DTWD2: variants seen among roughly 807,000 people sequenced by gnomAD.
DTWD2 encodes the protein tRNA-uridine aminocarboxypropyltransferase 2.
In DTWD2, 39 loss-of-function variants were observed where a neutral mutation model predicts 31.8. That is an observed-to-expected ratio of 1.22 (90% CI 0.95 to 1.60). DTWD2 has a LOEUF of 1.60. Among genes scored for constraint, DTWD2 ranks in the 40% most tolerant of loss-of-function variants. DTWD2 has a pLI of 0.00. For missense variants in DTWD2, 515 were observed against 381.5 expected (o/e 1.35, Z -2.92); for synonymous variants, 180 against 142.8 (o/e 1.26, Z -1.86).
chr5:118,936,095 T>C (rs1754039350), intron 3 of DTWD2, among the ~76,000 whole-genome samples: 1 of 152,054 alleles, frequency 6.6e-6, no homozygotes, highest in Non-Finnish European at 1.5e-5. Context: ...ATCTAAAACT[T>C]CCCCAAATAT....
At position 118,863,725 on chromosome 5, in the gene DTWD2, G is replaced by C. The variant is rs528917365; in HGVS notation, c.598-15507C>G. 4.6e-5 allele frequency among the ~76,000 whole-genome samples: 7 copies of C among 152,324 alleles called. No homozygotes were observed. The South Asian group carries it at 1.5e-3, about 32-fold the overall frequency. On this transcript the variant is annotated intron_variant, in intron 4 of 5. Transcript: ENST00000510708. ...TTTGGACATTCTCATGGAAGGAGCA[G>C]ATCCAGAGCCCTAATATTGTACATT...
chr5:118,944,339 A>G (rs941991385), intron 2 of DTWD2, among the ~76,000 whole-genome samples: 59 of 152,366 alleles, frequency 3.9e-4, no homozygotes, highest in African/African-American at 1.4e-3. Flanking sequence ...ATACTATTCA[A>G]TAACATAGAT....
chr5:118,945,615 A>C (rs1754314632), intron 1 of DTWD2, among the ~76,000 whole-genome samples: 1 of 152,072 alleles, frequency 6.6e-6, no homozygotes, highest in Admixed American at 6.6e-5. Context: ...AAATGCAAAA[A>C]TTAGCTGGGA....
chr5:118,918,093 A>G (rs563358041), intron 4 of DTWD2, among the ~76,000 whole-genome samples: 62 of 152,174 alleles, frequency 4.1e-4, no homozygotes, highest in Non-Finnish European at 7.5e-4. Context: ...ATTCAAGATG[A>G]GATTTTGGGT....
At position 118,836,761 on chromosome 5, in the gene DTWD2, C is replaced by T. The variant is rs1428051342; in HGVS notation, c.*4156G>A. ...TCGACCCTTCCACTAGGTGAAGACACAGCTAGAATGCACCATCTATGAACC... is the reference window on the plus strand; with the variant it reads ...TCGACCCTTCCACTAGGTGAAGACATAGCTAGAATGCACCATCTATGAACC... On this transcript the variant is annotated 3_prime_UTR_variant, in exon 6 of 6. Coordinates refer to ENST00000510708, the MANE Select transcript of DTWD2 (RefSeq NM_173666.4). 6.6e-6 allele frequency among the ~76,000 whole-genome samples: 1 copy of T among 152,150 alleles called. No homozygotes were observed. The highest frequency in any genetic ancestry group is 2.4e-5 in the African/African-American group (1 of 41,444).
intron 1 of DTWD2, among the ~76,000 whole-genome samples, chr5:118,955,052 C>G (rs1273928561): frequency 6.6e-6 from 1 of 151,976 alleles, no homozygotes; most frequent in Non-Finnish European, 1.5e-5. Context: ...ACATAAAAGA[C>G]AAAAATATTT....
In DTWD2 at chr5:118,973,079, C is replaced by CCTTTTTT. The variant is rs1221777850; in HGVS notation, c.218+15214_218+15215insAAAAAAG. ...TATCAGAAACTAGGATTGCAACCCC[C>CCTTTTTT]TTTTTTTTTTTTTTTTTTGGCTTTC... On this transcript the variant is annotated intron_variant, in intron 1 of 5. Coordinates refer to ENST00000510708, the MANE Select transcript of DTWD2 (RefSeq NM_173666.4). Among the ~76,000 whole-genome samples, 3 of 139,994 alleles carry CCTTTTTT rather than the reference C, an allele frequency of 2.1e-5. 1 individual carries two copies. The allele number at this position is 139,994 out of a possible 152,430, so 91.8% of individuals were successfully genotyped here.
In DTWD2 at chr5:118,839,849, T is replaced by C. The variant is rs1751669123; in HGVS notation, c.*1068A>G. The C allele has an allele frequency of 6.6e-6, 1 of 152,206 alleles. No homozygotes were observed. Among genetic ancestry groups the C allele is most frequent in the African/African-American group, 2.4e-5 (1 of 41,456 alleles). 9.4% of individuals were successfully genotyped at this position (152,206 alleles called of 1,614,324 possible). A position where few individuals can be genotyped will look rare whatever the true frequency, so the allele number is the denominator to read the frequency against. On this transcript the variant is annotated 3_prime_UTR_variant, in exon 6 of 6. Transcript: ENST00000510708. ...TCATGAAAACTGTGAGAAATAATCA[T>C]TGGTGTATGCTCTATAAATAGTTAC...
At chr5:118,953,031 G>C (rs886284186) in intron 1 of DTWD2, among the ~76,000 whole-genome samples, 2 of 152,046 alleles carry the variant, frequency 1.3e-5, no homozygotes, top group Admixed American at 1.3e-4. Flanking sequence ...TTTAATTTTT[G>C]TATCCCCTAG....
At chr5:118,842,618 G>T (rs1751744554) in intron 5 of DTWD2, among the ~76,000 whole-genome samples, 1 of 151,914 alleles carries the variant, frequency 6.6e-6, no homozygotes. Flanking sequence ...CTGCAGTAAG[G>T]GCTCTCTTAC....
At chr5:118,910,800 G>A (rs574803232) in intron 4 of DTWD2, among the ~76,000 whole-genome samples, 1 of 152,316 alleles carries the variant, frequency 6.6e-6, no homozygotes, top group African/African-American at 2.4e-5. Flanking sequence ...CAGAGTCTGA[G>A]AAGTCCAAGA....
chr5:118,869,378 A>G (rs1752453057), intron 4 of DTWD2, among the ~76,000 whole-genome samples: 1 of 152,130 alleles, frequency 6.6e-6, no homozygotes, highest in Non-Finnish European at 1.5e-5. Context: ...GATCCACAAA[A>G]ATTCCACGCT....
chr5:118,875,856 C>T (rs762334710), intron 4 of DTWD2, among the ~76,000 whole-genome samples: 8 of 152,136 alleles, frequency 5.3e-5, no homozygotes, highest in East Asian at 1.9e-4. Context: ...CTGGATCGAA[C>T]GGACCCAACG....
At chr5:118,949,058 T>C (rs560014088) in intron 1 of DTWD2, among the ~76,000 whole-genome samples, 16 of 152,180 alleles carry the variant, frequency 1.1e-4, no homozygotes, top group Admixed American at 9.2e-4. Context: ...AGGAAGAAAT[T>C]TGGGCTTTGA....
chr5:118,862,435 T>C (rs1752282385), intron 4 of DTWD2, among the ~76,000 whole-genome samples: 1 of 152,130 alleles, frequency 6.6e-6, no homozygotes, highest in African/African-American at 2.4e-5. Context: ...ATGTTAGAAA[T>C]AGGGCCGATG....
At chr5:118,929,617 T>C (rs879575951) in intron 3 of DTWD2, among the ~76,000 whole-genome samples, 14 of 152,228 alleles carry the variant, frequency 9.2e-5, no homozygotes, top group Non-Finnish European at 1.9e-4. Context: ...TCCTTTAAAT[T>C]TAATTTGGCT....
At position 118,839,514 on chromosome 5, in the gene DTWD2, C is replaced by G. The variant is rs1257945702; in HGVS notation, c.*1403G>C. 1 of 149,586 alleles carries G rather than the reference C, an allele frequency of 6.7e-6. No homozygotes were observed. The highest frequency in any genetic ancestry group is 1.5e-5 in the Non-Finnish European group (1 of 67,324). 9.3% of individuals were successfully genotyped at this position (149,586 alleles called of 1,614,324 possible). A position where few individuals can be genotyped will look rare whatever the true frequency, so the allele number is the denominator to read the frequency against. ...GGACTACAAGTGCACACCACCACAT[C>G]TGGCTAATTATTTTTTTTTTAATTT... On this transcript the variant is annotated 3_prime_UTR_variant, in exon 6 of 6. Transcript: ENST00000510708.
Position 118,988,345 on chromosome 5 carries a change from C to A in DTWD2, c.167G>T (p.Trp56Leu). 6.4e-7 allele frequency: 1 copy of A among 1,558,214 alleles called. No individual in the cohort carries two copies. The highest frequency in any genetic ancestry group is 2.4e-5 in the East Asian group (1 of 41,312). ...CTCGGCCGGCTCCACCGGCAGCTCC[C>A]ACAGCCCGTCCGCACTGTCGTCGTC... ...EADDDSADGL[W>L]ELPVEPAERR... Residue 56 changes from tryptophan (W) to leucine (L), a missense_variant, in exon 1 of 6, where the codon TGG (tryptophan) becomes TTG (leucine). Coordinates refer to ENST00000510708, the MANE Select transcript of DTWD2 (RefSeq NM_173666.4).
chr5:118,900,395 T>C (rs182472494), intron 4 of DTWD2, among the ~76,000 whole-genome samples: 1 of 152,302 alleles, frequency 6.6e-6, no homozygotes, highest in African/African-American at 2.4e-5. Flanking sequence ...AATCAGTAGA[T>C]GTAAACACAA....
Sources: gnomAD v4.1 joint callset for allele counts (sites outside exome capture counted in the v4.1 genomes callset) on GRCh38, gnomAD v4.1.1 for gene constraint, MANE v1.5 for transcripts, NCBI Gene and HGNC (gene_info 2026-07-23, HGNC 2026-07-21) for gene names.